FRAS1: variants seen among roughly 807,000 people sequenced by gnomAD.
The protein encoded by FRAS1 is extracellular matrix organizing protein FRAS1.
FRAS1 carries 290 observed loss-of-function variants against 435.2 expected under a neutral mutation model. That is an observed-to-expected ratio of 0.67 (90% CI 0.61 to 0.73). The LOEUF is 0.73. FRAS1 is among the 30% of genes least tolerant of loss of function. The probability of loss-of-function intolerance (pLI) is 0.00; values close to 1 mark genes in which losing one functional copy is unlikely to be tolerated. For missense variants in FRAS1, 4,860 were observed against 5,001.5 expected, an observed-to-expected ratio of 0.97 and a Z score of 0.85; for synonymous variants, 1,800 against 1,851.0, an observed-to-expected ratio of 0.97 and a Z score of 0.71.
intron 18 of FRAS1, among the ~76,000 whole-genome samples, chr4:78,322,573 T>TTTTTTTTTTTTTTTTTTTTTTTTG (rs1560654345): frequency 1.3e-5 from 2 of 152,140 alleles, no homozygotes; most frequent in African/African-American, 4.8e-5. Context: ...AGATTCTTTA[T>TTTTTTTTTTTTTTTTTTTTTTTTG]AGGAAGAAGC....
intron 9 of FRAS1, among the ~76,000 whole-genome samples, chr4:78,275,406 G>T (rs557997446): frequency 3.4e-4 from 52 of 152,278 alleles, no homozygotes; most frequent in African/African-American, 1.2e-3. Context: ...TTTCTTCCTA[G>T]CCTTGATGAT....
intron 58 of FRAS1, among the ~76,000 whole-genome samples, chr4:78,487,489 G>A (rs1452317530): frequency 6.6e-6 from 1 of 152,084 alleles, no homozygotes; most frequent in Non-Finnish European, 1.5e-5. Flanking sequence ...GGAAATTGGT[G>A]ATTACAGCTT....
intron 66 of FRAS1, 85 bp downstream of exon 66, chr4:78,516,098 C>T: frequency 9.4e-7 from 1 of 1,060,602 alleles, no homozygotes; most frequent in Non-Finnish European, 1.4e-6. Flanking sequence ...TCAATTAGCA[C>T]TTTGCCTCCA....
intron 9 of FRAS1, among the ~76,000 whole-genome samples, chr4:78,270,999 C>T (rs2110161170): frequency 6.6e-6 from 1 of 152,184 alleles, no homozygotes; most frequent in South Asian, 2.1e-4. Flanking sequence ...TAAAATAACA[C>T]ATATTCATTC....
At position 78,222,708 on chromosome 4, in the gene FRAS1, G is replaced by T. The variant is rs149038992; in HGVS notation, c.109-14802G>T. Among the ~76,000 whole-genome samples the T allele has an allele frequency of 3.1e-4, 47 of 152,196 alleles. 1 individual carries two copies. In the East Asian group the frequency reaches 7.0e-3, roughly 23 times the overall value. The stretch of plus-strand genomic sequence containing the variant: ...TGTCTGCAGCCTGCTCTTTTGTTGC[G>T]GTGGGTCTCCTAATTTGCTTTTCAG... On this transcript the variant is annotated intron_variant, in intron 2 of 73. Coordinates refer to ENST00000512123, the MANE Select transcript of FRAS1 (RefSeq NM_025074.7).
intron 2 of FRAS1, among the ~76,000 whole-genome samples, chr4:78,104,614 G>A (rs1475299037): frequency 2.0e-5 from 3 of 152,144 alleles, no homozygotes; most frequent in Non-Finnish European, 4.4e-5. Context: ...GAGAAAAGTA[G>A]GTATAAATTT....
At chr4:78,359,539 T>C (rs1268789) in intron 20 of FRAS1, among the ~76,000 whole-genome samples, 97,845 of 151,772 alleles carry the variant, frequency 0.64, 32,134 homozygotes, top group Non-Finnish European at 0.67. Flanking sequence ...TGGTCTTCTG[T>C]TGGGGGATTG....
At chr4:78,120,228 A>AAAC (rs1269706633) in intron 2 of FRAS1, among the ~76,000 whole-genome samples, 1 of 152,198 alleles carries the variant, frequency 6.6e-6, no homozygotes, top group Non-Finnish European at 1.5e-5. Context: ...ATAAATAACA[A>AAAC]AACAACAACA....
chr4:78,214,163 C>T (rs907662328), intron 2 of FRAS1, among the ~76,000 whole-genome samples: 1 of 152,202 alleles, frequency 6.6e-6, no homozygotes, highest in Non-Finnish European at 1.5e-5. Flanking sequence ...TGTCTCCTTT[C>T]TTAAATCTTG....
chr4:78,115,776 A>T (rs1743122483), intron 2 of FRAS1, among the ~76,000 whole-genome samples: 2 of 151,920 alleles, frequency 1.3e-5, no homozygotes. Flanking sequence ...TTTTCAAAAA[A>T]TCAGCTCCTG....
Position 78,537,132 on chromosome 4 carries a change from T to C in FRAS1, c.11230T>C (p.Tyr3744His), listed in dbSNP as rs774755425. The C allele has an allele frequency of 6.8e-6, 11 of 1,613,910 alleles. No homozygotes were observed. Among genetic ancestry groups the C allele is most frequent in the East Asian group, 6.7e-5 (3 of 44,894 alleles). Residue 3744 changes from tyrosine (Y) to histidine (H), a missense_variant, in exon 72 of 74, where the codon TAC becomes CAC. Coordinates refer to ENST00000512123, the MANE Select transcript of FRAS1 (RefSeq NM_025074.7). Reference sequence around the variant, plus strand: ...TTTCTTTGATCCCACGGGGACAATCTACAATGAAGGGCCCCAGTATGGATG... The same window carrying C: ...TTTCTTTGATCCCACGGGGACAATCCACAATGAAGGGCCCCAGTATGGATG... ...VPFFDPTGTI[Y>H]NEGPQYGCIQ...
intron 16 of FRAS1, 139 bp from the exon 17 acceptor site, chr4:78,317,229 C>G: frequency 1.1e-6 from 1 of 929,536 alleles, no homozygotes; most frequent in Non-Finnish European, 1.7e-6. Context: ...AGTGTAACCA[C>G]CTCCTAACAC....
intron 37 of FRAS1, among the ~76,000 whole-genome samples, chr4:78,431,984 C>A (rs1189556512): frequency 6.6e-6 from 1 of 151,830 alleles, no homozygotes; most frequent in Non-Finnish European, 1.5e-5. Flanking sequence ...AGATAAGATT[C>A]CAAAAGAGCT....
At chr4:78,174,350 G>A (rs1256419386) in intron 2 of FRAS1, among the ~76,000 whole-genome samples, 9 of 152,188 alleles carry the variant, frequency 5.9e-5, no homozygotes, top group Admixed American at 5.2e-4. Context: ...CATGGAACCT[G>A]CTTAATGAAG....
chr4:78,154,064 G>T (rs115400530), intron 2 of FRAS1, among the ~76,000 whole-genome samples: 3 of 151,478 alleles, frequency 2.0e-5, no homozygotes, highest in Non-Finnish European at 4.4e-5. Flanking sequence ...CAGATTATTC[G>T]GTATGATTTG....
At chr4:78,455,429 G>T (rs1719162741) in intron 47 of FRAS1, among the ~76,000 whole-genome samples, 1 of 151,628 alleles carries the variant, frequency 6.6e-6, no homozygotes, top group African/African-American at 2.4e-5. Flanking sequence ...GAGGGAGGGG[G>T]TTCTGTTATT....
chr4:78,393,444 T>C (rs1488615099), intron 29 of FRAS1, among the ~76,000 whole-genome samples: 1 of 152,022 alleles, frequency 6.6e-6, no homozygotes, highest in Non-Finnish European at 1.5e-5. Flanking sequence ...GTTTCCCCTT[T>C]CTCCCAGCCC....
At chr4:78,140,572 CA>C (rs1384849551) in intron 2 of FRAS1, among the ~76,000 whole-genome samples, 2 of 151,414 alleles carry the variant, frequency 1.3e-5, no homozygotes, top group African/African-American at 2.4e-5. Context: ...GGAACCAACC[CA>C]AGTGCCCATC....
In FRAS1 at chr4:78,438,614, T is replaced by C. The variant is rs1734522079; in HGVS notation, c.5262T>C (p.Tyr1754=). The C allele has an allele frequency of 2.5e-6, 4 of 1,613,892 alleles. No homozygotes were observed. The highest frequency in any genetic ancestry group is 2.2e-5 in the East Asian group (1 of 44,880). The change falls in exon 39 of 74, where the codon TAT becomes TAC. Residue 1754 remains tyrosine (Y), a synonymous_variant. Transcript: ENST00000512123. ...CAGAGATCTGGATTCAGTTAAATTA[T>C]CTGCCCTCATATGGTACTCTCTTAA... The part of the protein sequence containing the change: ...PDPEIWIQLN[Y]LPSYGTLLRI...
Sources: gnomAD v4.1 joint callset for allele counts (sites outside exome capture counted in the v4.1 genomes callset) on GRCh38, gnomAD v4.1.1 for gene constraint, MANE v1.5 for transcripts, NCBI Gene and HGNC (gene_info 2026-07-23, HGNC 2026-07-21) for gene names.